Variants in AHNAK observed in about 807,000 individuals in gnomAD.
AHNAK encodes AHNAK nucleoprotein.
A neutral mutation model predicts 37.8 loss-of-function variants in AHNAK; 23 were observed. That is an observed-to-expected ratio of 0.61 (90% confidence interval 0.44 to 0.86). AHNAK has a LOEUF of 0.86. Among genes scored for constraint, AHNAK ranks in the 40% least tolerant of loss-of-function variants. AHNAK has a pLI of 0.00. For missense variants in AHNAK, 7,411 were observed against 7,319.4 expected (o/e 1.01, Z -0.46); for synonymous variants, 2,481 against 2,636.3 (o/e 0.94, Z 1.80).
chr11:62,454,306 G>C lies in AHNAK; in HGVS notation c.443-20415C>G, dbSNP rs919507056. 1.1e-4 allele frequency among the ~76,000 whole-genome samples: 16 copies of C among 146,270 alleles called. No individual in the cohort carries two copies. In the South Asian group the frequency reaches 2.8e-3, roughly 26 times the overall value. Reference sequence around the variant, plus strand: ...CGGGCGCCTGTAGTCCCAGCTACCCGGGAGGCCGAGGCAGGAGAATGGCGT... The same window carrying C: ...CGGGCGCCTGTAGTCCCAGCTACCCCGGAGGCCGAGGCAGGAGAATGGCGT... On this transcript the variant is annotated intron_variant, in intron 5 of 5. Coordinates refer to the AHNAK transcript ENST00000257247.
At chr11:62,453,778 G>A (rs2134808751) in intron 5 of AHNAK, among the ~76,000 whole-genome samples, 1 of 152,328 alleles carries the variant, frequency 6.6e-6, no homozygotes, top group East Asian at 1.9e-4. Context: ...CGTGTGCACA[G>A]TCAGAAATTC....
intron 5 of AHNAK, among the ~76,000 whole-genome samples, chr11:62,465,206 C>G (rs1938881628): frequency 6.6e-6 from 1 of 152,188 alleles, no homozygotes; most frequent in Non-Finnish European, 1.5e-5. Context: ...ACTGATGGCC[C>G]TTGCGGTGGA....
chr11:62,519,469 C>A lies in AHNAK; in HGVS notation c.14948G>T (p.Gly4983Val), dbSNP rs1365758620. 6.2e-7 allele frequency: 1 copy of A among 1,612,442 alleles called. No homozygotes were observed. Among genetic ancestry groups the A allele is most frequent in the Non-Finnish European group, 8.5e-7 (1 of 1,179,578 alleles). Residue 4983 changes from glycine (G) to valine (V), a missense_variant, in exon 5 of 5, where the codon GGG becomes GTG. Transcript: ENST00000378024. ...GATGTCAGCTTTGGGGCTTTTTGCCCCAAATCCAAACTTGGGTTTCTTAAA... is the reference window on the plus strand; with the variant it reads ...GATGTCAGCTTTGGGGCTTTTTGCCACAAATCCAAACTTGGGTTTCTTAAA... ...PKFKKPKFGF[G>V]AKSPKADIKS...
chr11:62,525,522 C>T lies in AHNAK; in HGVS notation c.8895G>A (p.Met2965Ile). The change falls in exon 5 of 5, where the codon ATG becomes ATA. Residue 2965 changes from methionine to isoleucine, a missense_variant. Coordinates refer to ENST00000378024, the MANE Select transcript of AHNAK (RefSeq NM_001620.3). Reference protein sequence around the residue: ...EMNIKAPKIPMPDFDLHLKGP... With the variant: ...EMNIKAPKIPIPDFDLHLKGP... Reference sequence around the variant, plus strand: ...CTTTCAGATGCAAATCAAAGTCAGGCATGGGGATCTTGGGGGCTTTGATAT... The same window carrying T: ...CTTTCAGATGCAAATCAAAGTCAGGTATGGGGATCTTGGGGGCTTTGATAT... 1 of 1,613,898 alleles carries T rather than the reference C, an allele frequency of 6.2e-7. No homozygotes were observed. The highest frequency in any genetic ancestry group is 8.5e-7 in the Non-Finnish European group (1 of 1,179,986).
At chr11:62,512,911 G>T (rs1590641160), downstream of AHNAK, among the ~76,000 whole-genome samples, 1 of 150,492 alleles carries the variant, frequency 6.6e-6, no homozygotes, top group Admixed American at 6.6e-5. This position sits in a 1 kb window ranked among gnomAD's most constrained non-coding sequence, Gnocchi z 4.0. Context: ...AAGGAAGAAG[G>T]CAAGGGAGGA....
At chr11:62,452,627 T>C (rs1197965732) in intron 5 of AHNAK, among the ~76,000 whole-genome samples, 1 of 152,192 alleles carries the variant, frequency 6.6e-6, no homozygotes, top group African/African-American at 2.4e-5. Flanking sequence ...TTCTCATGCT[T>C]AGGGATGACC....
intron 5 of AHNAK, among the ~76,000 whole-genome samples, chr11:62,456,229 T>C (rs947873080): frequency 1.3e-5 from 2 of 152,204 alleles, no homozygotes; most frequent in East Asian, 1.9e-4. Flanking sequence ...AATAAGTATA[T>C]GTTGTTGAAG....
rs1298130334 is a variant in AHNAK at position 62,516,396 on chromosome 11, CA to C, written c.*347del. On this transcript the variant is annotated 3_prime_UTR_variant, in exon 5 of 5. Coordinates refer to ENST00000378024, the MANE Select transcript of AHNAK (RefSeq NM_001620.3). ...ATGAAAAAGTGGGTTTCCATTACCC[CA>C]AAACTAACAATGTTCAGTAAAAATG... 1 of 1,259,096 alleles carries C rather than the reference CA, an allele frequency of 7.9e-7. No homozygotes were observed. The highest frequency in any genetic ancestry group is 1.5e-5 in the African/African-American group (1 of 64,708). 78.0% of individuals were successfully genotyped at this position (1,259,096 alleles called of 1,614,324 possible).
At position 62,527,149 on chromosome 11, in the gene AHNAK, C is replaced by T. The variant is rs757640173; in HGVS notation, c.7268G>A (p.Ser2423Asn). 1 of 1,613,148 alleles carries T rather than the reference C, an allele frequency of 6.2e-7. No homozygotes were observed. Among genetic ancestry groups the T allele is most frequent in the South Asian group, 1.1e-5 (1 of 90,880 alleles). ...GDLKGPHVDV[S>N]GPDIDIEGPE... is the part of the protein sequence containing the mutation. ...TCCCTCAATGTCAATGTCTGGCCCACTGACATCCACATGTGGCCCTTTAAG... is the reference window on the plus strand; with the variant it reads ...TCCCTCAATGTCAATGTCTGGCCCATTGACATCCACATGTGGCCCTTTAAG... Residue 2423 changes from serine (S) to asparagine (N), a missense_variant, in exon 5 of 5, where the codon AGT becomes AAT. Physicochemically the swap from Ser to Asn is conservative, Grantham distance 46. Coordinates refer to ENST00000378024, the MANE Select transcript of AHNAK (RefSeq NM_001620.3).
rs760005696 is a variant in AHNAK, at chr11:62,533,380, C to T, written c.1037G>A (p.Gly346Asp). The T allele has an allele frequency of 2.5e-6, 4 of 1,588,296 alleles. No individual in the cohort carries two copies. The highest frequency in any genetic ancestry group is 2.6e-6 in the Non-Finnish European group (3 of 1,167,540). ...CAGCTGAGGGGCTTGGATAGTCAAGCCTGGCTTGCCGCCCTTGTGCCCCAC... is the reference window on the plus strand; with the variant it reads ...CAGCTGAGGGGCTTGGATAGTCAAGTCTGGCTTGCCGCCCTTGTGCCCCAC... ...VSVGHKGGKP[G>D]LTIQAPQLEV... The change falls in exon 5 of 5, where the codon GGC becomes GAC. Residue 346 changes from glycine (G) to aspartate (D), a missense_variant. Coordinates refer to ENST00000378024, the MANE Select transcript of AHNAK (RefSeq NM_001620.3).
At chr11:62,461,143 C>CT (rs71056521) in intron 5 of AHNAK, among the ~76,000 whole-genome samples, 28,636 of 79,088 alleles carry the variant, frequency 0.36, 7,558 homozygotes, top group Non-Finnish European at 0.45. Flanking sequence ...CCAAATTCCC[C>CT]TTTTTTTTTT....
chr11:62,526,394 C>A lies in AHNAK; in HGVS notation c.8023G>T (p.Asp2675Tyr), dbSNP rs1940486706. Residue 2675 changes from aspartate to tyrosine, a missense_variant, in exon 5 of 5, where the codon GAC becomes TAC. Transcript: ENST00000378024. ...ADIDVSGPKVDIEGPDVNIEG... is the reference protein window; with the variant it reads ...ADIDVSGPKVYIEGPDVNIEG... The stretch of plus-strand genomic sequence containing the variant: ...ATGTTAACATCAGGGCCTTCAATGT[C>A]CACTTTGGGTCCTGAGACATCAATG... The A allele has an allele frequency of 6.2e-7, 1 of 1,610,068 alleles. No individual in the cohort carries two copies. Among genetic ancestry groups the A allele is most frequent in the Non-Finnish European group, 8.5e-7 (1 of 1,179,040 alleles).
At position 62,520,361 on chromosome 11, in the gene AHNAK, G is replaced by T. The variant is rs376608840; in HGVS notation, c.14056C>A (p.Pro4686Thr). 1.2e-6 allele frequency: 2 copies of T among 1,612,412 alleles called. No individual in the cohort carries two copies. The highest frequency in any genetic ancestry group is 1.7e-4 in the Middle Eastern group (1 of 6,054). The change falls in exon 5 of 5, where the codon CCC (proline) becomes ACC (threonine). Residue 4686 changes from proline to threonine, a missense_variant. By Grantham distance (38) the Pro-to-Thr change is conservative (BLOSUM62 -1). Coordinates refer to ENST00000378024, the MANE Select transcript of AHNAK (RefSeq NM_001620.3). The stretch of plus-strand genomic sequence containing the variant: ...TCAGGAACATCAACGTCCACTTTGG[G>T]TCCTGAGACATCAATGTCAGCCTTG... Reference protein sequence around the residue: ...LPKADIDVSGPKVDVDVPDVN... With the variant: ...LPKADIDVSGTKVDVDVPDVN...
Position 62,523,166 on chromosome 11 carries a change from C to A in AHNAK, c.11251G>T (p.Asp3751Tyr). Residue 3751 changes from aspartate (D) to tyrosine (Y), a missense_variant, in exon 5 of 5, where the codon GAT (aspartate) becomes TAT (tyrosine). Coordinates refer to ENST00000378024, the MANE Select transcript of AHNAK (RefSeq NM_001620.3). Reference sequence around the variant, plus strand: ...ACTTTGGGGCCCTTCAGGTTTAAATCAATGTCAGGCATCGATATTTTGGGA... The same window carrying A: ...ACTTTGGGGCCCTTCAGGTTTAAATAAATGTCAGGCATCGATATTTTGGGA... ...KAPKISMPDI[D>Y]LNLKGPKVKG... 3 of 1,614,088 alleles carry A rather than the reference C, an allele frequency of 1.9e-6. No homozygotes were observed. Among genetic ancestry groups the A allele is most frequent in the Non-Finnish European group, 2.5e-6 (3 of 1,180,018 alleles).
rs1590675647 is a variant in AHNAK at position 62,530,683 on chromosome 11, A to G, written c.3734T>C (p.Val1245Ala). 6.2e-7 allele frequency: 1 copy of G among 1,610,568 alleles called. No homozygotes were observed. The highest frequency in any genetic ancestry group is 8.5e-7 in the Non-Finnish European group (1 of 1,179,160). ...KMDIDAPDVE[V>A]QGPDWHLKMP... ...CTTCAGGTGCCAGTCTGGGCCTTGA[A>G]CCTCCACATCTGGGGCATCAATGTC... Residue 1245 changes from valine to alanine, a missense_variant, in exon 5 of 5, where the codon GTT becomes GCT. By Grantham distance (64) the Val-to-Ala change is moderately conservative. Coordinates refer to ENST00000378024, the MANE Select transcript of AHNAK (RefSeq NM_001620.3).
chr11:62,446,681 T>A (rs1396251947), intron 5 of AHNAK, among the ~76,000 whole-genome samples: 1 of 151,986 alleles, frequency 6.6e-6, no homozygotes, highest in Non-Finnish European at 1.5e-5. Flanking sequence ...CTTCCTGCCC[T>A]CCTGTCTCAA....
chr11:62,482,198 T>C (rs933009293), intron 5 of AHNAK, among the ~76,000 whole-genome samples: 1 of 152,182 alleles, frequency 6.6e-6, no homozygotes, highest in African/African-American at 2.4e-5. Context: ...ACTGCTCACT[T>C]GAGGCCCGGA....
chr11:62,487,066 G>A (rs1029536324), intron 5 of AHNAK, among the ~76,000 whole-genome samples: 1 of 152,184 alleles, frequency 6.6e-6, no homozygotes, highest in Non-Finnish European at 1.5e-5. Flanking sequence ...TAAGGGGTTT[G>A]AAACAACAGA....
intron 5 of AHNAK, among the ~76,000 whole-genome samples, chr11:62,483,454 C>T (rs1364582080): frequency 1.3e-5 from 2 of 152,190 alleles, no homozygotes; most frequent in African/African-American, 4.8e-5. Context: ...GGGCCGGGCG[C>T]GGTGGCTCGC....
Sources: gnomAD v4.1 joint callset for allele counts (sites outside exome capture counted in the v4.1 genomes callset) on GRCh38, gnomAD v4.1.1 for gene constraint, Gnocchi (gnomAD v3.1) non-coding constraint, MANE v1.5 for transcripts, NCBI Gene and HGNC (gene_info 2026-07-23, HGNC 2026-07-21) for gene names.